AMT: variants seen among roughly 807,000 people sequenced by gnomAD.
AMT encodes aminomethyltransferase.
A neutral mutation model predicts 39.5 loss-of-function variants in AMT; 24 were observed. That is an observed-to-expected ratio of 0.61 (90% CI 0.44 to 0.86). AMT has a LOEUF of 0.86. Among genes scored for constraint, AMT ranks in the 40% least tolerant of loss-of-function variants. The pLI is 0.00. For missense variants in AMT, 501 were observed against 537.0 expected (o/e 0.93, Z 0.66); for synonymous variants, 210 against 212.1 (o/e 0.99, Z 0.09).
chr3:49,421,039 G>T, intron 3 of AMT: 1 of 263,860 alleles, frequency 3.8e-6, no homozygotes, highest in Non-Finnish European at 7.5e-6. Context: ...CGAGTAGCTG[G>T]GACTACAAGC....
chr3:49,417,714 A>C lies in AMT; in HGVS notation c.1038T>G (p.Thr346=). 1.2e-6 allele frequency: 2 copies of C among 1,613,990 alleles called. No individual in the cohort carries two copies. The stretch of plus-strand genomic sequence containing the variant: ...AGGGGGAGGGGCAGCCACTAGTCAC[A>C]GTACCTGTCAAGCAAGCATAAGCCA... ...ILNMEGTKIG[T]VTSGCPSPSL... is the part of the protein sequence containing the mutation. Residue 346 remains threonine, a synonymous_variant, in exon 9 of 9, where the codon ACT becomes ACG. Transcript: ENST00000273588.
Position 49,421,504 on chromosome 3 carries a change from T to C in AMT, c.327A>G (p.Leu109=). The C allele has an allele frequency of 6.2e-7, 1 of 1,614,124 alleles. No individual in the cohort carries two copies. Among genetic ancestry groups the C allele is most frequent in the Non-Finnish European group, 8.5e-7 (1 of 1,179,956 alleles). Reference sequence around the variant, plus strand: ...TAAAAGGGCCCACCTGGTTTGGTCTTAGCTCTGCAATGTCTCCAACCACTA... The same window carrying C: ...TAAAAGGGCCCACCTGGTTTGGTCTCAGCTCTGCAATGTCTCCAACCACTA... The part of the protein sequence containing the change: ...ESLVVGDIAE[L]RPNQGTLSLF... The change falls in exon 3 of 9, where the codon CTA becomes CTG. Residue 109 remains leucine (L), a synonymous_variant. Transcript: ENST00000273588.
rs1451725049 is a variant in AMT, at chr3:49,422,098, G to C, written c.258+6C>G. On this transcript the variant is annotated splice_donor_region_variant and intron_variant, in intron 2 of 8. Transcript: ENST00000273588. ...ATCAGATGGCCAGTGTGCTCCCCTG[G>C]CTCACCTGCAGCATATGAGACACGT... is the stretch of plus-strand genomic sequence containing the variant. 1 of 1,613,424 alleles carries C rather than the reference G, an allele frequency of 6.2e-7. No homozygotes were observed. The highest frequency in any genetic ancestry group is 8.5e-7 in the Non-Finnish European group (1 of 1,180,026).
At position 49,419,798 on chromosome 3, in the gene AMT, A is replaced by G. The variant is rs1211622746; in HGVS notation, c.472-10T>C. 8 of 1,614,004 alleles carry G rather than the reference A, an allele frequency of 5.0e-6. No individual in the cohort carries two copies. The highest frequency in any genetic ancestry group is 6.8e-6 in the Non-Finnish European group (8 of 1,179,862). The stretch of plus-strand genomic sequence containing the variant: ...GCTCCCTGACCTTGTCCTAAAAGAC[A>G]GAAACACAAGAGCATCTGGGGCCAC... On this transcript the variant is annotated splice_polypyrimidine_tract_variant and intron_variant, in intron 4 of 8. Coordinates refer to ENST00000273588, the MANE Select transcript of AMT (RefSeq NM_000481.4).
Position 49,422,376 on chromosome 3 carries a change from T to A in AMT, c.75A>T (p.Pro25=). The part of the protein sequence containing the change: ...LQAFPPALCR[P]LSCAQEVLRR... The stretch of plus-strand genomic sequence containing the variant: ...TCTATCCCACCTGTGCGCAACTAAG[T>A]GGACGACACAAGGCCGGGGGGAATG... The change falls in exon 1 of 9, where the codon CCA becomes CCT. Residue 25 remains proline (P), a synonymous_variant. Coordinates refer to ENST00000273588, the MANE Select transcript of AMT (RefSeq NM_000481.4). 2 of 1,612,046 alleles carry A rather than the reference T, an allele frequency of 1.2e-6. No individual in the cohort carries two copies. The highest frequency in any genetic ancestry group is 1.7e-6 in the Non-Finnish European group (2 of 1,179,678).
In AMT at chr3:49,417,893, G is replaced by A. The variant is rs866625610; in HGVS notation, c.958C>T (p.Arg320Cys). The A allele has an allele frequency of 1.5e-5, 24 of 1,613,862 alleles. No individual in the cohort carries two copies. The highest frequency in any genetic ancestry group is 2.7e-5 in the African/African-American group (2 of 74,884). The change falls in exon 8 of 9, where the codon CGT (arginine) becomes TGT (cysteine). Residue 320 changes from arginine to cysteine, a missense_variant. Physicochemically the swap from Arg to Cys is radical, Grantham distance 180. Coordinates refer to ENST00000273588, the MANE Select transcript of AMT (RefSeq NM_000481.4). ...PQLKGRVQRR[R>C]VGLMCEGAPM... ...GCCCCCTCACACATCAACCCCACAC[G>A]CCTCCGCTGCACCCTGCCCTTCAGC...
At chr3:49,419,866 A>C (rs2049069219) in intron 4 of AMT, 78 bp from the exon 5 acceptor site, 2 of 1,363,222 alleles carry the variant, frequency 1.5e-6, no homozygotes, top group African/African-American at 2.9e-5. Context: ...AGAGCTGGAC[A>C]GTAGTAGGAC....
At position 49,419,280 on chromosome 3, in the gene AMT, T is replaced by C; in HGVS notation, c.676A>G (p.Thr226Ala). 6.2e-7 allele frequency: 1 copy of C among 1,614,138 alleles called. No individual in the cohort carries two copies. Among genetic ancestry groups the C allele is most frequent in the Non-Finnish European group, 8.5e-7 (1 of 1,180,026 alleles). ...CACACCTCCACACCATCCTCTCCTG[T>C]GTAGCCACAGCGGGTCACGCGGCAG... ...SGCRVTRCGY[T>A]GEDGVEISVP... Residue 226 changes from threonine (T) to alanine (A), a missense_variant, in exon 6 of 9, where the codon ACA (threonine) becomes GCA (alanine). By Grantham distance (58) the Thr-to-Ala change is moderately conservative. Coordinates refer to ENST00000273588, the MANE Select transcript of AMT (RefSeq NM_000481.4).
At chr3:49,420,488 G>T in intron 3 of AMT, 146 bp from the exon 4 acceptor site, 1 of 1,238,052 alleles carries the variant, frequency 8.1e-7, no homozygotes, top group Non-Finnish European at 1.2e-6. Flanking sequence ...ACAAGTCTGG[G>T]CCCAAGTCCA....
intron 3 of AMT, 188 bp from the exon 4 acceptor site, chr3:49,420,530 T>A (rs537174191): frequency 1.3e-6 from 1 of 781,134 alleles, no homozygotes; most frequent in African/African-American, 1.7e-5. Context: ...CAAGTAAGTT[T>A]TCATCCCCTC....
rs374750709 is a variant in AMT, at chr3:49,422,391, C to T, written c.60G>A (p.Pro20=). ...RLGFRLQAFP[P]ALCRPLSCAQ... is the part of the protein sequence containing the mutation. Reference sequence around the variant, plus strand: ...CGCAACTAAGTGGACGACACAAGGCCGGGGGGAATGCCTGCAGGCGAAAGC... The same window carrying T: ...CGCAACTAAGTGGACGACACAAGGCTGGGGGGAATGCCTGCAGGCGAAAGC... Residue 20 remains proline, a synonymous_variant, in exon 1 of 9, where the codon CCG becomes CCA. Coordinates refer to ENST00000273588, the MANE Select transcript of AMT (RefSeq NM_000481.4). 1.2e-5 allele frequency: 19 copies of T among 1,613,704 alleles called. No individual in the cohort carries two copies. Among genetic ancestry groups the T allele is most frequent in the Middle Eastern group, 3.3e-4 (2 of 6,084 alleles).
At position 49,421,495 on chromosome 3, in the gene AMT, G is replaced by A; in HGVS notation, c.336C>T (p.Asn112=). 6.2e-7 allele frequency: 1 copy of A among 1,613,822 alleles called. No homozygotes were observed. The highest frequency in any genetic ancestry group is 8.5e-7 in the Non-Finnish European group (1 of 1,179,712). The change falls in exon 3 of 9, where the codon AAC becomes AAT. Residue 112 remains asparagine (N), a synonymous_variant. Transcript: ENST00000273588. ...VVGDIAELRP[N]QGTLSLFTNE... ...GAGCAGAAATAAAAGGGCCCACCTG[G>A]TTTGGTCTTAGCTCTGCAATGTCTC...
chr3:49,420,126 G>C (rs2049073883), intron 4 of AMT, 85 bp downstream of exon 4: 1 of 1,577,978 alleles, frequency 6.3e-7, no homozygotes, highest in African/African-American at 1.3e-5. Flanking sequence ...CAGGTCCCTT[G>C]TCTGTGCCAA....
At chr3:49,421,381 T>C (rs2049099463) in intron 3 of AMT, 111 bp downstream of exon 3, 2 of 836,432 alleles carry the variant, frequency 2.4e-6, no homozygotes, top group Non-Finnish European at 4.1e-6. Flanking sequence ...CTGCAAGCCC[T>C]GAGAAGCTGT....
intron 6 of AMT, 34 bp from the exon 7 acceptor site, chr3:49,419,185 C>T (rs375602996): frequency 2.5e-5 from 40 of 1,613,604 alleles, no homozygotes; most frequent in Non-Finnish European, 3.1e-5. Flanking sequence ...ATGGGAAGCT[C>T]CCTGTACCAC....
chr3:49,420,155 G>A, intron 4 of AMT, 56 bp downstream of exon 4: 1 of 1,611,150 alleles, frequency 6.2e-7, no homozygotes, highest in Non-Finnish European at 8.5e-7. Context: ...TGGACAACAA[G>A]GATACTGCTC....
At position 49,422,411 on chromosome 3, in the gene AMT, G is replaced by A. The variant is rs201779973; in HGVS notation, c.40C>T (p.Arg14Cys). Residue 14 changes from arginine (R) to cysteine (C), a missense_variant, in exon 1 of 9, where the codon CGC (arginine) becomes TGC (cysteine). Physicochemically the swap from Arg to Cys is radical, Grantham distance 180 (BLOSUM62 -3). Transcript: ENST00000273588. ...AVSVVARLGFRLQAFPPALCR... is the reference protein window; with the variant it reads ...AVSVVARLGFCLQAFPPALCR... ...AAGGCCGGGGGGAATGCCTGCAGGCGAAAGCCCAGACGGGCCACCACACTT... is the reference window on the plus strand; with the variant it reads ...AAGGCCGGGGGGAATGCCTGCAGGCAAAAGCCCAGACGGGCCACCACACTT... 9 of 1,613,660 alleles carry A rather than the reference G, an allele frequency of 5.6e-6. No homozygotes were observed. The highest frequency in any genetic ancestry group is 4.5e-5 in the East Asian group (2 of 44,856).
chr3:49,418,061 T>C (rs1341767620), intron 7 of AMT, 88 bp from the exon 8 acceptor site: 3 of 1,493,580 alleles, frequency 2.0e-6, no homozygotes, highest in African/African-American at 1.4e-5. Context: ...TAACACACTA[T>C]CTAGCATCAA....
Position 49,421,475 on chromosome 3 carries a change from G to C in AMT, c.339+17C>G. On this transcript the variant is annotated intron_variant, in intron 3 of 8. Coordinates refer to ENST00000273588, the MANE Select transcript of AMT (RefSeq NM_000481.4). ...CATGACTAAGAAAACTCATAGAGCA[G>C]AAATAAAAGGGCCCACCTGGTTTGG... The C allele has an allele frequency of 6.2e-7, 1 of 1,610,312 alleles. No individual in the cohort carries two copies. The highest frequency in any genetic ancestry group is 8.5e-7 in the Non-Finnish European group (1 of 1,176,560).
Sources: allele counts gnomAD v4.1 joint callset, GRCh38; gene constraint gnomAD v4.1.1; transcripts MANE v1.5; gene names NCBI Gene and HGNC (gene_info 2026-07-23, HGNC 2026-07-21).